CNTN5: variants seen among roughly 807,000 people sequenced by gnomAD.
The protein encoded by CNTN5 is contactin 5, also known as contactin-5.
CNTN5 carries 77 observed loss-of-function variants against 129.1 expected under a neutral mutation model. The ratio of observed to expected loss-of-function variants is 0.60; its 90% CI spans 0.50 to 0.72. The LOEUF (loss-of-function observed/expected upper bound fraction) is 0.72, where lower values mean the gene tolerates loss of function less well. CNTN5 is among the 30% of genes least tolerant of loss of function. The pLI, the probability that CNTN5 is intolerant of heterozygous loss-of-function variation, is 0.00. For missense variants in CNTN5, 1,478 were observed against 1,328.8 expected (o/e 1.11, Z -1.75); for synonymous variants, 509 against 465.6 (o/e 1.09, Z -1.20).
At chr11:100,178,227 T>C (rs1338981400) in intron 13 of CNTN5, among the ~76,000 whole-genome samples, 1 of 152,274 alleles carries the variant, frequency 6.6e-6, no homozygotes, top group East Asian at 1.9e-4. Flanking sequence ...CGTTATTAAC[T>C]CGTTTTCCTA....
chr11:100,355,681 AG>A (rs1952506587), intron 24 of CNTN5, among the ~76,000 whole-genome samples: 1 of 151,684 alleles, frequency 6.6e-6, no homozygotes, highest in Non-Finnish European at 1.5e-5. Context: ...TAATAATCTC[AG>A]GGGGCCACCA....
At chr11:99,847,348 C>T (rs17679121) in intron 6 of CNTN5, among the ~76,000 whole-genome samples, 6,328 of 152,290 alleles carry the variant, frequency 0.042, 196 homozygotes, top group Non-Finnish European at 0.06. Flanking sequence ...AATTCAATGA[C>T]CAGGCATGGG....
chr11:99,338,273 G>A (rs1866329465), intron 2 of CNTN5, among the ~76,000 whole-genome samples: 3 of 152,252 alleles, frequency 2.0e-5, no homozygotes, highest in Middle Eastern at 3.4e-3. Context: ...CTATACTTGA[G>A]TCTCATTCTT....
chr11:99,148,947 C>G (rs1007878968), intron 1 of CNTN5, among the ~76,000 whole-genome samples: 1 of 151,930 alleles, frequency 6.6e-6, no homozygotes, highest in Admixed American at 6.6e-5. Context: ...TTTTAAAGAA[C>G]AGTAAAATCA....
intron 13 of CNTN5, among the ~76,000 whole-genome samples, chr11:100,102,356 T>G (rs1390617029): frequency 6.6e-6 from 1 of 152,104 alleles, no homozygotes; most frequent in East Asian, 1.9e-4. Flanking sequence ...TGGCTGTTTG[T>G]GTATCTTCTT....
intron 6 of CNTN5, among the ~76,000 whole-genome samples, chr11:99,861,732 T>A (rs1948213527): frequency 6.6e-6 from 1 of 152,178 alleles, no homozygotes; most frequent in Admixed American, 6.5e-5. Context: ...TTAACTTGGT[T>A]TTAGCTTCTA....
intron 2 of CNTN5, among the ~76,000 whole-genome samples, chr11:99,383,505 T>C (rs1470075377): frequency 1.3e-5 from 2 of 152,244 alleles, no homozygotes; most frequent in African/African-American, 4.8e-5. Context: ...TGAACAGTGA[T>C]GCCATAGTGG....
intron 1 of CNTN5, among the ~76,000 whole-genome samples, chr11:99,274,936 A>C (rs1863354640): frequency 6.6e-6 from 1 of 151,564 alleles, no homozygotes; most frequent in Non-Finnish European, 1.5e-5. Flanking sequence ...TAACTTAAAA[A>C]TAAATTACAA....
chr11:99,530,679 G>A (rs1351957091), intron 2 of CNTN5, among the ~76,000 whole-genome samples: 1 of 152,172 alleles, frequency 6.6e-6, no homozygotes. Context: ...CCAAGAGGAG[G>A]TAATTGAATC....
chr11:99,412,356 G>A (rs894302108), intron 2 of CNTN5, among the ~76,000 whole-genome samples: 7 of 152,054 alleles, frequency 4.6e-5, no homozygotes, highest in Non-Finnish European at 1.0e-4. Context: ...GCCAATTCTA[G>A]GGAATATATA....
chr11:99,754,987 A>G (rs2135243929), intron 3 of CNTN5, among the ~76,000 whole-genome samples: 1 of 152,288 alleles, frequency 6.6e-6, no homozygotes, highest in East Asian at 1.9e-4. Context: ...TGCCTTTTCC[A>G]GAATGTATTA....
rs77007545 is a variant in CNTN5 at position 99,717,995 on chromosome 11, A to C, written c.56-101549A>C. 2.5e-3 allele frequency among the ~76,000 whole-genome samples: 379 copies of C among 152,196 alleles called. 6 individuals are homozygous for C. In the East Asian group the frequency reaches 0.046, roughly 19 times the overall value. On this transcript the variant is annotated intron_variant, in intron 3 of 24. Transcript: ENST00000524871. ...TGCAGGCGTTTCATTGCGAATTTCA[A>C]CTCAGGTTTACTTCCTACATTTTAA...
chr11:99,064,954 T>C (rs982385466), intron 1 of CNTN5, among the ~76,000 whole-genome samples: 6 of 152,024 alleles, frequency 3.9e-5, no homozygotes, highest in Non-Finnish European at 7.4e-5. Flanking sequence ...GTATATTTCA[T>C]ATAAAATAAA....
At chr11:100,351,350 T>A (rs1255364697) in intron 24 of CNTN5, among the ~76,000 whole-genome samples, 1 of 151,626 alleles carries the variant, frequency 6.6e-6, no homozygotes, top group African/African-American at 2.4e-5. Context: ...TATTAATAAT[T>A]GCTAGCTTTC....
chr11:99,487,617 T>G (rs930060556), intron 2 of CNTN5, among the ~76,000 whole-genome samples: 6 of 152,186 alleles, frequency 3.9e-5, no homozygotes, highest in African/African-American at 1.4e-4. Flanking sequence ...TGTGTTTCAT[T>G]TCAGTGTGCC....
At chr11:100,180,576 G>A (rs1948109795) in intron 13 of CNTN5, among the ~76,000 whole-genome samples, 1 of 151,866 alleles carries the variant, frequency 6.6e-6, no homozygotes, top group East Asian at 1.9e-4. Flanking sequence ...CAAAGAATTG[G>A]CAGATATGAT....
chr11:100,332,114 A>G (rs1324220041), intron 21 of CNTN5, among the ~76,000 whole-genome samples: 1 of 152,164 alleles, frequency 6.6e-6, no homozygotes, highest in African/African-American at 2.4e-5. Flanking sequence ...AAGAAGAGAG[A>G]AGATCCAAAT....
intron 3 of CNTN5, among the ~76,000 whole-genome samples, chr11:99,723,503 AACGT>A (rs1453096206): frequency 6.6e-6 from 1 of 152,178 alleles, no homozygotes; most frequent in African/African-American, 2.4e-5. Context: ...AATAGAAACC[AACGT>A]AGACAATTTT....
intron 2 of CNTN5, among the ~76,000 whole-genome samples, chr11:99,421,009 C>T (rs934116982): frequency 6.6e-6 from 1 of 152,100 alleles, no homozygotes; most frequent in African/African-American, 2.4e-5. Flanking sequence ...TCATTCTTTC[C>T]TAGCTCTCTT....
Sources: allele counts gnomAD v4.1 joint callset (sites outside exome capture counted in the v4.1 genomes callset), GRCh38; gene constraint gnomAD v4.1.1; transcripts MANE v1.5; gene names NCBI Gene and HGNC (gene_info 2026-07-23, HGNC 2026-07-21).